CEP44: variants seen among roughly 807,000 people sequenced by gnomAD.
CEP44 encodes centrosomal protein of 44 kDa.
Under a neutral mutation model 46.7 loss-of-function variants are expected in CEP44, and 45 were observed. The ratio of observed to expected loss-of-function variants is 0.96; its 90% CI spans 0.76 to 1.24. The LOEUF (loss-of-function observed/expected upper bound fraction) is 1.24, where lower values mean the gene tolerates loss of function less well. Among genes scored for constraint, CEP44 ranks in the 50% most tolerant of loss-of-function variants. The probability of loss-of-function intolerance (pLI) is 0.00; values close to 1 mark genes in which losing one functional copy is unlikely to be tolerated. For synonymous variants in CEP44, 142 were observed against 146.0 expected, an observed-to-expected ratio of 0.97 and a Z score of 0.20; for missense variants, 475 against 459.7, an observed-to-expected ratio of 1.03 and a Z score of -0.30.
intron 1 of CEP44, chr4:174,284,327 G>A (rs1737312323): frequency 2.9e-6 from 1 of 340,014 alleles, no homozygotes; most frequent in African/African-American, 2.1e-5. Context: ...TCACAACGAA[G>A]TGGGAAGTAT....
rs1740846653 is a variant in CEP44, at chr4:174,309,670, C to T, written c.679-180C>T. On this transcript the variant is annotated intron_variant, in intron 7 of 11. Coordinates refer to ENST00000503780, the MANE Select transcript of CEP44 (RefSeq NM_001040157.3). The surrounding 1 kb of genome is among the most constrained non-coding windows in gnomAD (Gnocchi z 5.3). ...AATGAGGAAATGGAGGCATCAAGAT[C>T]ATAAATCTCAGAACTGGTTTAAGTG... Among the ~76,000 whole-genome samples, 1 of 151,626 alleles carries T rather than the reference C, an allele frequency of 6.6e-6. No individual in the cohort carries two copies. Among genetic ancestry groups the T allele is most frequent in the Admixed American group, 6.6e-5 (1 of 15,202 alleles).
At chr4:174,308,486 G>C (rs1038499952) in intron 6 of CEP44, among the ~76,000 whole-genome samples, 1 of 152,062 alleles carries the variant, frequency 6.6e-6, no homozygotes, top group Non-Finnish European at 1.5e-5. Flanking sequence ...GAGGGTGGAG[G>C]GTAGGAGGAG....
intron 1 of CEP44, among the ~76,000 whole-genome samples, chr4:174,295,396 C>G (rs916424660): frequency 4.6e-5 from 7 of 151,242 alleles, no homozygotes; most frequent in African/African-American, 1.5e-4. Context: ...GATGGGCGGC[C>G]GGGCAGAGAC....
intron 1 of CEP44, among the ~76,000 whole-genome samples, chr4:174,296,292 ATCAC>A (rs1280123519): frequency 1.3e-5 from 2 of 152,168 alleles, no homozygotes; most frequent in Non-Finnish European, 2.9e-5. Context: ...TCTTGTGTTT[ATCAC>A]TCATTGTGTT....
chr4:174,326,380 C>T lies in CEP44; in HGVS notation c.1087-5102C>T, dbSNP rs1742670116. ...GGCTACCTTCAAATATTATACTACT[C>T]ATTTTAAGTATAACATAAGAGCCTT... On this transcript the variant is annotated intron_variant, in intron 8 of 8. Transcript: ENST00000426172. The surrounding 1 kb of genome is among the most constrained non-coding windows in gnomAD (Gnocchi z 4.8). Among the ~76,000 whole-genome samples, 2 of 151,926 alleles carry T rather than the reference C, an allele frequency of 1.3e-5. No individual in the cohort carries two copies. Among genetic ancestry groups the T allele is most frequent in the Admixed American group, 1.3e-4 (2 of 15,218 alleles).
intron 1 of CEP44, among the ~76,000 whole-genome samples, chr4:174,293,546 T>G (rs941914274): frequency 3.3e-5 from 5 of 152,210 alleles, no homozygotes; most frequent in Admixed American, 2.6e-4. Flanking sequence ...CTTATAAGTG[T>G]TTTTTGTGCT....
chr4:174,310,378 A>G lies in CEP44; in HGVS notation c.885+322A>G, dbSNP rs1193199864. On this transcript the variant is annotated intron_variant, in intron 8 of 11. Coordinates refer to ENST00000503780, the MANE Select transcript of CEP44 (RefSeq NM_001040157.3). The surrounding 1 kb of genome is among the most constrained non-coding windows in gnomAD (Gnocchi z 4.2). ...TATTTTATATCTTTTAATAGTACAA[A>G]TAACCTATTTTCATAGGGTAGAAAA... Among the ~76,000 whole-genome samples, 1 of 152,030 alleles carries G rather than the reference A, an allele frequency of 6.6e-6. No individual in the cohort carries two copies. The highest frequency in any genetic ancestry group is 1.5e-5 in the Non-Finnish European group (1 of 67,924).
intron 5 of CEP44, 142 bp downstream of exon 5, chr4:174,303,991 A>G (rs776515063): frequency 1.2e-4 from 90 of 729,648 alleles, no homozygotes; most frequent in Non-Finnish European, 1.8e-4. Context: ...GTAACCTTAT[A>G]AAGCTTGTTG....
chr4:174,304,849 T>G (rs1740197834), intron 6 of CEP44, among the ~76,000 whole-genome samples: 1 of 152,228 alleles, frequency 6.6e-6, no homozygotes, highest in Admixed American at 6.5e-5. Flanking sequence ...TTTGAATATT[T>G]TCTCTTTCTT....
rs954357622 is a variant in CEP44, at chr4:174,326,772, GTTT to G, written c.1087-4705_1087-4703del. Among the ~76,000 whole-genome samples the G allele has an allele frequency of 4.4e-4, 67 of 151,878 alleles. No homozygotes were observed. The highest frequency in any genetic ancestry group is 1.5e-3 in the African/African-American group (62 of 41,474). On this transcript the variant is annotated intron_variant, in intron 8 of 8. Coordinates refer to the CEP44 transcript ENST00000426172. This position sits in a 1 kb window ranked among gnomAD's most constrained non-coding sequence, Gnocchi z 4.8. ...AATTTTAGGTGAATAGGGATTTTTG[GTTT>G]TTTTGTTTGTTGTTTTTCATTCTTT...
In CEP44 at chr4:174,297,344, T is replaced by C. The variant is rs573101229; in HGVS notation, c.-147-622T>C. 6.6e-6 allele frequency among the ~76,000 whole-genome samples: 1 copy of C among 152,310 alleles called. No individual in the cohort carries two copies. Among genetic ancestry groups the C allele is most frequent in the South Asian group, 2.1e-4 (1 of 4,826 alleles). Reference sequence around the variant, plus strand: ...CTCTGCTTATTTTGTTTAAGGTATTTATATATACTTTTCATACTGAAGCTT... The same window carrying C: ...CTCTGCTTATTTTGTTTAAGGTATTCATATATACTTTTCATACTGAAGCTT... On this transcript the variant is annotated intron_variant, in intron 1 of 11. Coordinates refer to ENST00000503780, the MANE Select transcript of CEP44 (RefSeq NM_001040157.3). This position sits in a 1 kb window ranked among gnomAD's most constrained non-coding sequence, Gnocchi z 4.3.
intron 6 of CEP44, 57 bp from the exon 7 acceptor site, chr4:174,308,632 T>C: frequency 6.5e-7 from 1 of 1,527,282 alleles, no homozygotes; most frequent in South Asian, 1.2e-5. Context: ...AGTTAAAAAA[T>C]AAATAATTGT....
At chr4:174,285,025 A>G (rs535502625) in intron 1 of CEP44, among the ~76,000 whole-genome samples, 1 of 152,336 alleles carries the variant, frequency 6.6e-6, no homozygotes, top group Admixed American at 6.5e-5. Context: ...CTAAACTGCT[A>G]GAGTACACTA....
downstream of CEP44, among the ~76,000 whole-genome samples, chr4:174,320,772 A>G (rs1413543163): frequency 6.6e-6 from 1 of 151,334 alleles, no homozygotes; most frequent in East Asian, 2.0e-4. Flanking sequence ...TATTTACTGA[A>G]CCATTTAAGC....
At chr4:174,322,281 C>G (rs1469206964), downstream of CEP44, among the ~76,000 whole-genome samples, 2 of 152,020 alleles carry the variant, frequency 1.3e-5, no homozygotes, top group Non-Finnish European at 2.9e-5. Flanking sequence ...CTATGCTTTT[C>G]CACTTTCTGA....
Position 174,331,470 on chromosome 4 carries a change from T to A in CEP44, c.1087-12T>A, listed in dbSNP as rs972051751. On this transcript the variant is annotated splice_polypyrimidine_tract_variant and intron_variant, in intron 8 of 8. Coordinates refer to the CEP44 transcript ENST00000426172. The surrounding 1 kb of genome is among the most constrained non-coding windows in gnomAD (Gnocchi z 4.5). ...TCATATTTTAATGTATAATTTTGTG[T>A]TTCCTTTCTAGAATTTTCCTGCATG... 6.4e-7 allele frequency: 1 copy of A among 1,551,204 alleles called. No homozygotes were observed. The highest frequency in any genetic ancestry group is 1.4e-5 in the African/African-American group (1 of 73,168).
intron 9 of CEP44, among the ~76,000 whole-genome samples, chr4:174,313,938 C>T (rs1267481869): frequency 6.6e-6 from 1 of 152,096 alleles, no homozygotes; most frequent in Non-Finnish European, 1.5e-5. Context: ...ATATGAAATC[C>T]TTAAGACAGA....
chr4:174,330,425 G>A (rs1013126248), intron 8 of CEP44, among the ~76,000 whole-genome samples: 3 of 151,328 alleles, frequency 2.0e-5, no homozygotes, highest in African/African-American at 4.9e-5. Flanking sequence ...GAAGGTGGAG[G>A]TTGCAGTGAG....
intron 8 of CEP44, among the ~76,000 whole-genome samples, chr4:174,327,074 T>C (rs1340960107): frequency 6.6e-6 from 1 of 150,918 alleles, no homozygotes; most frequent in African/African-American, 2.4e-5. Flanking sequence ...ATTTTACTTC[T>C]AGATAGGAGC....
Sources: gnomAD v4.1 joint callset for allele counts (sites outside exome capture counted in the v4.1 genomes callset) on GRCh38, gnomAD v4.1.1 for gene constraint, Gnocchi (gnomAD v3.1) non-coding constraint, MANE v1.5 for transcripts, NCBI Gene and HGNC (gene_info 2026-07-23, HGNC 2026-07-21) for gene names.